GRID1: variants seen among roughly 807,000 people sequenced by gnomAD.
The protein encoded by GRID1 is glutamate receptor ionotropic, delta-1.
GRID1 carries 28 observed loss-of-function variants against 98.0 expected under a neutral mutation model. The observed-to-expected ratio is 0.29, with a 90% CI of 0.21 to 0.39. The LOEUF (loss-of-function observed/expected upper bound fraction) is 0.39, where lower values mean the gene tolerates loss of function less well. Ranked by LOEUF, GRID1 falls within the 10% of genes least tolerant of loss-of-function variation. GRID1 has a pLI of 1.00. For missense variants in GRID1, 1,111 were observed against 1,340.5 expected (o/e 0.83, Z 2.67); for synonymous variants, 553 against 538.5 (o/e 1.03, Z -0.37).
intron 8 of GRID1, among the ~76,000 whole-genome samples, chr10:85,805,730 G>C (rs1434983713): frequency 6.6e-6 from 1 of 151,760 alleles, no homozygotes; most frequent in Non-Finnish European, 1.5e-5. Flanking sequence ...TAATAAATTA[G>C]GGCAAGAAAT....
chr10:85,602,750 AG>A (rs1225568049), intron 15 of GRID1, 49 bp from the exon 16 acceptor site: 1 of 1,414,246 alleles, frequency 7.1e-7, no homozygotes. Flanking sequence ...CAGTGAGTCA[AG>A]GCTGGCTTGC....
At chr10:86,233,210 G>C (rs1846483244) in intron 2 of GRID1, among the ~76,000 whole-genome samples, 1 of 151,688 alleles carries the variant, frequency 6.6e-6, no homozygotes, top group Non-Finnish European at 1.5e-5. Flanking sequence ...GCTGCAGAAG[G>C]GGCTCTGCCT....
intron 5 of GRID1, among the ~76,000 whole-genome samples, chr10:85,890,108 C>T (rs1841175493): frequency 6.6e-6 from 1 of 151,816 alleles, no homozygotes; most frequent in Admixed American, 6.6e-5. Context: ...TATAGTCATC[C>T]TACAGCGCTG....
At chr10:85,922,381 A>G (rs976160581) in intron 4 of GRID1, among the ~76,000 whole-genome samples, 1 of 152,238 alleles carries the variant, frequency 6.6e-6, no homozygotes, top group African/African-American at 2.4e-5. Flanking sequence ...AAGCCTTCCA[A>G]ACACATCCCT....
intron 2 of GRID1, among the ~76,000 whole-genome samples, chr10:86,229,784 C>A (rs1846421853): frequency 6.6e-6 from 1 of 152,218 alleles, no homozygotes; most frequent in Admixed American, 6.5e-5. Flanking sequence ...GCTGTAGCCT[C>A]CTCCACAACC....
intron 15 of GRID1, chr10:85,606,564 C>T (rs1261148672): frequency 6.6e-6 from 1 of 152,214 alleles, no homozygotes; most frequent in African/African-American, 2.4e-5. Context: ...CACAATGTGT[C>T]CTTTAAGTCG....
intron 4 of GRID1, among the ~76,000 whole-genome samples, chr10:85,970,691 G>A (rs930922837): frequency 3.9e-5 from 6 of 151,992 alleles, no homozygotes; most frequent in African/African-American, 1.4e-4. Context: ...ACCTGATAAA[G>A]GACATCTATG....
intron 6 of GRID1, among the ~76,000 whole-genome samples, chr10:85,859,351 G>A (rs889054935): frequency 6.6e-6 from 1 of 150,626 alleles, no homozygotes; most frequent in African/African-American, 2.4e-5. Context: ...ATGGAGGGAT[G>A]GATGGATGGA....
intron 8 of GRID1, among the ~76,000 whole-genome samples, chr10:85,841,309 C>A (rs34749634): frequency 6.6e-6 from 1 of 152,106 alleles, no homozygotes; most frequent in East Asian, 1.9e-4. Context: ...GGACTCCTTC[C>A]TTTCACCATA....
intron 4 of GRID1, among the ~76,000 whole-genome samples, chr10:85,961,910 A>G (rs562493659): frequency 6.6e-6 from 1 of 152,244 alleles, no homozygotes; most frequent in African/African-American, 2.4e-5. Context: ...GAGAAAGAAC[A>G]AAGGAAGAAA....
intron 2 of GRID1, among the ~76,000 whole-genome samples, chr10:86,301,727 C>T (rs1254606787): frequency 6.6e-6 from 1 of 152,242 alleles, no homozygotes; most frequent in African/African-American, 2.4e-5. Context: ...ACCATTGTCA[C>T]CATTGGTCCC....
At chr10:85,955,683 G>A (rs1842180125) in intron 4 of GRID1, among the ~76,000 whole-genome samples, 1 of 152,172 alleles carries the variant, frequency 6.6e-6, no homozygotes, top group African/African-American at 2.4e-5. Flanking sequence ...CAGAGCAAGT[G>A]GAGACTCCAG....
intron 4 of GRID1, among the ~76,000 whole-genome samples, chr10:86,005,231 C>A (rs1024063781): frequency 6.6e-6 from 1 of 152,090 alleles, no homozygotes; most frequent in African/African-American, 2.4e-5. Context: ...CCCACAGTTC[C>A]AGCCAGCCAA....
At chr10:86,305,019 A>C (rs7078737) in intron 2 of GRID1, among the ~76,000 whole-genome samples, 9,501 of 152,020 alleles carry the variant, frequency 0.062, 534 homozygotes, top group African/African-American at 0.15. Flanking sequence ...GGTATTTTTC[A>C]GATGTGATTA....
In GRID1 at chr10:86,201,963, G is replaced by C. The variant is rs146025504; in HGVS notation, c.520+4401C>G. ...CTTGATATTTTTCAAACTGATTGTGGGTTCATGAGTCTTCAGGTTATTAAT... is the reference window on the plus strand; with the variant it reads ...CTTGATATTTTTCAAACTGATTGTGCGTTCATGAGTCTTCAGGTTATTAAT... On this transcript the variant is annotated intron_variant, in intron 3 of 15. Transcript: ENST00000327946. Among the ~76,000 whole-genome samples the C allele has an allele frequency of 1.8e-4, 28 of 152,238 alleles. No homozygotes were observed. The East Asian group carries it at 3.3e-3, about 18-fold the overall frequency.
rs559684339 is a variant in GRID1, at chr10:86,009,972, T to G, written c.727-93733A>C. ...TCTCCACTTCCTTGACTCCAGACAG[T>G]GACTTTAAACCATCAGGTACCTCAT... On this transcript the variant is annotated intron_variant, in intron 4 of 15. Transcript: ENST00000327946. Among the ~76,000 whole-genome samples the G allele has an allele frequency of 1.3e-4, 20 of 152,254 alleles. No individual in the cohort carries two copies. In the South Asian group the frequency reaches 3.5e-3, roughly 27 times the overall value.
At chr10:85,938,678 C>T (rs1841958936) in intron 4 of GRID1, among the ~76,000 whole-genome samples, 1 of 152,174 alleles carries the variant, frequency 6.6e-6, no homozygotes, top group South Asian at 2.1e-4. Context: ...TTCTAATCAA[C>T]AGTATTCTGG....
chr10:85,788,279 C>T lies in GRID1; in HGVS notation c.1234-58665G>A, dbSNP rs975551754. 9.9e-5 allele frequency among the ~76,000 whole-genome samples: 15 copies of T among 152,150 alleles called. No homozygotes were observed. The South Asian group carries it at 1.2e-3, about 13-fold the overall frequency. ...ATAAAACATGGCCAAGGCAGGGAGG[C>T]GCAGTGAGCCTGGCCAGAAGAGGCT... On this transcript the variant is annotated intron_variant, in intron 8 of 15. Coordinates refer to ENST00000327946, the MANE Select transcript of GRID1 (RefSeq NM_017551.3).
intron 12 of GRID1, 105 bp from the exon 13 acceptor site, chr10:85,647,502 C>A (rs548231163): frequency 1.2e-6 from 1 of 832,898 alleles, no homozygotes. Flanking sequence ...CCCGGCATGG[C>A]CCACTATCCA....
Sources: allele counts gnomAD v4.1 joint callset (sites outside exome capture counted in the v4.1 genomes callset), GRCh38; gene constraint gnomAD v4.1.1; transcripts MANE v1.5; gene names NCBI Gene and HGNC (gene_info 2026-07-23, HGNC 2026-07-21).